The following PLA2G4E variants were observed in gnomAD, a reference collection of about 807,000 sequenced individuals.
PLA2G4E encodes cytosolic phospholipase A2 epsilon.
Under a neutral mutation model 109.1 loss-of-function variants are expected in PLA2G4E, and 84 were observed. The observed-to-expected ratio is 0.77, with a 90% CI of 0.65 to 0.92. PLA2G4E has a LOEUF of 0.92. Among genes scored for constraint, PLA2G4E ranks in the 40% least tolerant of loss-of-function variants. The pLI, the probability that PLA2G4E is intolerant of heterozygous loss-of-function variation, is 0.00. For synonymous variants in PLA2G4E, 469 were observed against 436.1 expected (o/e 1.08, Z -0.94); for missense variants, 1,057 against 1,076.6 (o/e 0.98, Z 0.25).
chr15:42,010,136 C>CCCG lies in PLA2G4E; in HGVS notation c.257-2272_257-2271insCGG, dbSNP rs748654018. The CCCG allele has an allele frequency of 3.6e-5, 17 of 471,430 alleles. 1 individual carries two copies. The highest frequency in any genetic ancestry group is 6.8e-5 in the Non-Finnish European group (16 of 236,370). 29.2% of individuals were successfully genotyped at this position (471,430 alleles called of 1,614,324 possible). On this transcript the variant is annotated intron_variant, in intron 2 of 19. Transcript: ENST00000399518. ...CTTGGCTTTTCCAGAACACTGGCCC[C>CCCG]CCCACCCCGGGCCTGGACCACACCC...
intron 1 of PLA2G4E, among the ~76,000 whole-genome samples, chr15:42,034,037 C>A (rs537639554): frequency 6.6e-6 from 1 of 152,180 alleles, no homozygotes; most frequent in Non-Finnish European, 1.5e-5. Context: ...AGAGCACAGA[C>A]CTGACCCCCT....
chr15:42,002,321 G>A (rs1267140389), intron 6 of PLA2G4E, among the ~76,000 whole-genome samples: 2 of 150,648 alleles, frequency 1.3e-5, no homozygotes, highest in East Asian at 2.0e-4. Flanking sequence ...CTGGGGTTGT[G>A]GGGTACAGGA....
intron 1 of PLA2G4E, among the ~76,000 whole-genome samples, chr15:42,029,195 G>A (rs138842543): frequency 7.4e-4 from 113 of 152,246 alleles, no homozygotes; most frequent in Non-Finnish European, 1.3e-3. Flanking sequence ...AAGCTCAAGC[G>A]TGATTCTCCC....
intron 6 of PLA2G4E, among the ~76,000 whole-genome samples, chr15:42,002,072 G>A (rs1421106081): frequency 6.6e-6 from 1 of 152,064 alleles, no homozygotes; most frequent in East Asian, 1.9e-4. Flanking sequence ...TACTTTGGGA[G>A]GCTGAGGCTG....
At chr15:41,992,837 C>T (rs745799968) in exon 13 of PLA2G4E, 25 of 1,613,840 alleles carry the variant, frequency 1.5e-5, no homozygotes, top group East Asian at 4.5e-5. Flanking sequence ...CTGGAATTTG[C>T]GGAGCTGGTC....
At chr15:42,004,857 G>C in intron 5 of PLA2G4E, 81 bp downstream of exon 5, 3 of 1,520,080 alleles carry the variant, frequency 2.0e-6, no homozygotes, top group Non-Finnish European at 2.7e-6. Context: ...CAAAAAGGCC[G>C]ACCTGCCTCT....
intron 1 of PLA2G4E, among the ~76,000 whole-genome samples, chr15:42,028,203 C>A (rs1442063558): frequency 5.3e-5 from 8 of 152,152 alleles, no homozygotes; most frequent in African/African-American, 1.7e-4. Flanking sequence ...ATTATTATCT[C>A]ATTTTAAAGA....
intron 10 of PLA2G4E, 53 bp from the exon 11 acceptor site, chr15:41,997,312 T>C: frequency 2.0e-6 from 3 of 1,476,648 alleles, no homozygotes; most frequent in South Asian, 1.4e-5. Flanking sequence ...CTCCCTGGAG[T>C]AGACACAGCT....
chr15:41,994,278 C>A (rs2068301007), intron 12 of PLA2G4E, among the ~76,000 whole-genome samples: 1 of 143,430 alleles, frequency 7.0e-6, no homozygotes, highest in African/African-American at 2.6e-5. Context: ...CCTTCTGTCT[C>A]ACCTGGGCTG....
intron 7 of PLA2G4E, among the ~76,000 whole-genome samples, chr15:42,000,553 G>T (rs2068406124): frequency 6.6e-6 from 1 of 152,218 alleles, no homozygotes; most frequent in African/African-American, 2.4e-5. Context: ...CCTTGGCTCA[G>T]CTTTGCCAGA....
intron 16 of PLA2G4E, 76 bp downstream of exon 16, chr15:41,987,972 GC>G (rs2068173203): frequency 4.6e-6 from 4 of 870,376 alleles, no homozygotes; most frequent in East Asian, 5.9e-5. Context: ...GCCGGGGGCC[GC>G]CCCCCATCAC....
chr15:42,015,967 A>G (rs979506895), intron 1 of PLA2G4E, among the ~76,000 whole-genome samples: 3 of 152,152 alleles, frequency 2.0e-5, no homozygotes, highest in Non-Finnish European at 4.4e-5. Context: ...ACCCACGCTT[A>G]GAAGAGTTTT....
chr15:41,987,628 G>A (rs1419100870), intron 16 of PLA2G4E, among the ~76,000 whole-genome samples: 1 of 152,138 alleles, frequency 6.6e-6, no homozygotes, highest in African/African-American at 2.4e-5. Context: ...AGGACAGGGA[G>A]TTTCAAAGAG....
At chr15:41,989,765 C>G (rs557177113) in intron 14 of PLA2G4E, among the ~76,000 whole-genome samples, 2 of 152,344 alleles carry the variant, frequency 1.3e-5, no homozygotes, top group South Asian at 4.1e-4. Context: ...AGGAGGATGG[C>G]TCATTTGCAC....
At chr15:42,032,231 CT>C (rs1889125478) in intron 1 of PLA2G4E, among the ~76,000 whole-genome samples, 1 of 152,238 alleles carries the variant, frequency 6.6e-6, no homozygotes, top group African/African-American at 2.4e-5. Flanking sequence ...TCAGATATTC[CT>C]TTATACAATG....
At chr15:42,005,906 C>T (rs2068470805) in intron 4 of PLA2G4E, 84 bp downstream of exon 4, 1 of 1,495,212 alleles carries the variant, frequency 6.7e-7, no homozygotes, top group Non-Finnish European at 9.2e-7. Flanking sequence ...CAGAGAAGAC[C>T]CTGGGGAATG....
intron 2 of PLA2G4E, 112 bp from the exon 3 acceptor site, chr15:42,007,977 C>T (rs1182704809): frequency 1.7e-6 from 2 of 1,192,294 alleles, no homozygotes; most frequent in Non-Finnish European, 2.4e-6. Context: ...AGCTCCAGTT[C>T]CTCTCCTCAT....
chr15:42,039,912 G>C (rs1002803374), intron 1 of PLA2G4E, among the ~76,000 whole-genome samples: 1 of 152,154 alleles, frequency 6.6e-6, no homozygotes, highest in Non-Finnish European at 1.5e-5. Flanking sequence ...CCAACCAGAA[G>C]TTTTGGGGGA....
chr15:42,038,530 G>A (rs1017494950), intron 1 of PLA2G4E, among the ~76,000 whole-genome samples: 10 of 152,214 alleles, frequency 6.6e-5, no homozygotes, highest in African/African-American at 2.2e-4. Context: ...GTTCAGAATA[G>A]TGTTTGCACT....
Sources: allele counts gnomAD v4.1 joint callset (sites outside exome capture counted in the v4.1 genomes callset), GRCh38; gene constraint gnomAD v4.1.1; transcripts MANE v1.5; gene names NCBI Gene and HGNC (gene_info 2026-07-23, HGNC 2026-07-21).